The following CTNNA3 variants were observed in gnomAD, a reference collection of about 807,000 sequenced individuals.
CTNNA3 encodes the protein catenin alpha-3.
A neutral mutation model predicts 95.7 loss-of-function variants in CTNNA3; 76 were observed. That is an observed-to-expected ratio of 0.79 (90% CI 0.66 to 0.96). The LOEUF (loss-of-function observed/expected upper bound fraction) is 0.96. CTNNA3 is among the 40% of genes least tolerant of loss of function. The probability of loss-of-function intolerance (pLI) is 0.00; values close to 1 mark genes in which losing one functional copy is unlikely to be tolerated. For synonymous variants in CTNNA3, 431 were observed against 374.4 expected, an observed-to-expected ratio of 1.15 and a Z score of -1.74; for missense variants, 1,191 against 1,089.8, an observed-to-expected ratio of 1.09 and a Z score of -1.31.
intron 13 of CTNNA3, among the ~76,000 whole-genome samples, chr10:66,142,261 G>C (rs1265880024): frequency 6.6e-6 from 1 of 152,080 alleles, no homozygotes; most frequent in Non-Finnish European, 1.5e-5. Flanking sequence ...TTGTTGAAAA[G>C]ACTATCTTTT....
chr10:66,122,261 A>G (rs2082616025), intron 13 of CTNNA3, among the ~76,000 whole-genome samples: 1 of 152,222 alleles, frequency 6.6e-6, no homozygotes, highest in Non-Finnish European at 1.5e-5. Context: ...GAAGAGAATC[A>G]GTGAGCTTGA....
chr10:65,924,013 G>T (rs2077128186), intron 17 of CTNNA3, among the ~76,000 whole-genome samples: 1 of 151,988 alleles, frequency 6.6e-6, no homozygotes, highest in South Asian at 2.1e-4. Context: ...TGGCTACTCA[G>T]AATTCCTTTT....
At chr10:66,330,609 T>A (rs12355570) in intron 12 of CTNNA3, among the ~76,000 whole-genome samples, 44,977 of 151,812 alleles carry the variant, frequency 0.3, 7,837 homozygotes, top group Non-Finnish European at 0.39. Flanking sequence ...CTGGGTCAAA[T>A]GGTATTTCTA....
At chr10:66,128,393 G>A (rs958777801) in intron 13 of CTNNA3, among the ~76,000 whole-genome samples, 1 of 152,026 alleles carries the variant, frequency 6.6e-6, no homozygotes, top group African/African-American at 2.4e-5. Context: ...AAGGAACCAA[G>A]ATCTCCTTTG....
At chr10:67,034,402 GCTGATATTC>G (rs1163278225) in intron 7 of CTNNA3, among the ~76,000 whole-genome samples, 2 of 152,142 alleles carry the variant, frequency 1.3e-5, no homozygotes, top group African/African-American at 4.8e-5. Context: ...CCCTCAAGAA[GCTGATATTC>G]CTTCTTGCAA....
intron 5 of CTNNA3, among the ~76,000 whole-genome samples, chr10:67,469,025 A>G (rs1317993911): frequency 6.6e-6 from 1 of 152,180 alleles, no homozygotes; most frequent in Non-Finnish European, 1.5e-5. Flanking sequence ...CTTACTGTCT[A>G]CTGTCAGAGG....
intron 13 of CTNNA3, among the ~76,000 whole-genome samples, chr10:66,190,769 C>T (rs893567926): frequency 1.3e-5 from 2 of 152,002 alleles, no homozygotes; most frequent in African/African-American, 4.8e-5. Context: ...AAGTAACTGG[C>T]CCATCATTGT....
chr10:67,000,332 C>T (rs959036028), intron 7 of CTNNA3, among the ~76,000 whole-genome samples: 1 of 152,162 alleles, frequency 6.6e-6, no homozygotes, highest in East Asian at 1.9e-4. Flanking sequence ...CTTACTCTTG[C>T]TGACCCAATA....
At chr10:67,755,871 T>C (rs1378816992) in intron 1 of CTNNA3, among the ~76,000 whole-genome samples, 1 of 149,220 alleles carries the variant, frequency 6.7e-6, no homozygotes, top group Non-Finnish European at 1.5e-5. Flanking sequence ...ATATATGCAC[T>C]CCCATGTTTA....
At chr10:66,843,112 T>C (rs1043137384) in intron 7 of CTNNA3, among the ~76,000 whole-genome samples, 2 of 152,060 alleles carry the variant, frequency 1.3e-5, no homozygotes, top group Admixed American at 6.6e-5. Context: ...AGGACGTGGA[T>C]GTAGATTGGC....
At chr10:66,027,188 T>C (rs938887101) in intron 15 of CTNNA3, among the ~76,000 whole-genome samples, 4 of 152,118 alleles carry the variant, frequency 2.6e-5, no homozygotes, top group Non-Finnish European at 5.9e-5. Flanking sequence ...AAATTACTTA[T>C]GTTCTTGCAG....
intron 13 of CTNNA3, among the ~76,000 whole-genome samples, chr10:66,117,334 C>T (rs1272792404): frequency 6.6e-6 from 1 of 151,994 alleles, no homozygotes; most frequent in Non-Finnish European, 1.5e-5. Context: ...CATTGTTTGG[C>T]AAAATACTAT....
At chr10:66,910,505 C>A (rs949933439) in intron 7 of CTNNA3, among the ~76,000 whole-genome samples, 7 of 151,918 alleles carry the variant, frequency 4.6e-5, no homozygotes, top group African/African-American at 1.7e-4. Context: ...TATAAGATGG[C>A]ATGGAAAAAA....
chr10:67,493,541 GAC>G (rs1838930201), intron 5 of CTNNA3, among the ~76,000 whole-genome samples: 1 of 144,170 alleles, frequency 6.9e-6, no homozygotes. Flanking sequence ...CAGGCTGGGT[GAC>G]AGAGCGAGAC....
intron 3 of CTNNA3, among the ~76,000 whole-genome samples, chr10:67,566,944 T>C (rs1294950215): frequency 2.7e-5 from 4 of 146,100 alleles, no homozygotes; most frequent in African/African-American, 1.0e-4. Context: ...CACCACATGT[T>C]CTCACTCATA....
chr10:66,137,311 A>T (rs901104255), intron 13 of CTNNA3, among the ~76,000 whole-genome samples: 13 of 152,166 alleles, frequency 8.5e-5, no homozygotes, highest in African/African-American at 3.1e-4. Context: ...AACAATCAGG[A>T]AAATCCAGAA....
chr10:66,520,866 G>T, intron 10 of CTNNA3, 93 bp from the exon 11 acceptor site: 1 of 669,602 alleles, frequency 1.5e-6, no homozygotes, highest in Non-Finnish European at 2.4e-6. Flanking sequence ...TCACCACTAT[G>T]CAATATATTC....
intron 5 of CTNNA3, among the ~76,000 whole-genome samples, chr10:67,501,159 G>T (rs1340729981): frequency 6.6e-6 from 1 of 152,156 alleles, no homozygotes; most frequent in Non-Finnish European, 1.5e-5. Context: ...GGCAGGCCTG[G>T]TGGTGACAAA....
intron 2 of CTNNA3, among the ~76,000 whole-genome samples, chr10:67,632,288 T>G (rs1839168531): frequency 6.7e-6 from 1 of 149,836 alleles, no homozygotes. Flanking sequence ...TTTATTTGCC[T>G]CATTACCTGT....
Sources: allele counts gnomAD v4.1 joint callset (sites outside exome capture counted in the v4.1 genomes callset), GRCh38; gene constraint gnomAD v4.1.1; transcripts MANE v1.5; gene names NCBI Gene and HGNC (gene_info 2026-07-23, HGNC 2026-07-21).